Variants in ZC3H4 observed in about 807,000 individuals in gnomAD.
ZC3H4 encodes zinc finger CCCH-type containing 4.
In ZC3H4, 13 loss-of-function variants were observed where a neutral mutation model predicts 108.3. The ratio of observed to expected loss-of-function variants is 0.12; its 90% confidence interval spans 0.08 to 0.19. The LOEUF is 0.19. Among genes scored for constraint, ZC3H4 ranks in the 10% least tolerant of loss-of-function variants. ZC3H4 has a pLI of 1.00. For missense variants in ZC3H4, 1,734 were observed against 1,838.8 expected (o/e 0.94, Z 1.04); for synonymous variants, 917 against 749.6 (o/e 1.22, Z -3.65).
chr19:47,106,771 C>A (rs923312638), intron 2 of ZC3H4, among the ~76,000 whole-genome samples: 21 of 152,218 alleles, frequency 1.4e-4, no homozygotes, highest in Non-Finnish European at 4.4e-5. Flanking sequence ...TCTGCACACT[C>A]AGAAAACTCT....
chr19:47,083,732 C>T (rs984254102), intron 9 of ZC3H4, among the ~76,000 whole-genome samples: 1 of 152,180 alleles, frequency 6.6e-6, no homozygotes, highest in Admixed American at 6.6e-5. Flanking sequence ...TTATTTTATA[C>T]ACAACATTAT....
chr19:47,072,283 C>G lies in ZC3H4; in HGVS notation c.1802+69G>C, dbSNP rs1031944922. The G allele has an allele frequency of 6.6e-7, 1 of 1,525,640 alleles. No homozygotes were observed. The highest frequency in any genetic ancestry group is 8.9e-7 in the Non-Finnish European group (1 of 1,123,796). The allele number at this position is 1,525,640 out of a possible 1,614,324, so 94.5% of individuals were successfully genotyped here. ...GGACTCTCCCACAGCCAGGCTTGCC[C>G]TAACAAGAGGAGCCTGGCTGGGCCC... On this transcript the variant is annotated intron_variant, in intron 12 of 14. Coordinates refer to ENST00000253048, the MANE Select transcript of ZC3H4 (RefSeq NM_015168.2). This position sits in a 1 kb window ranked among gnomAD's most constrained non-coding sequence, Gnocchi z 5.6.
chr19:47,106,311 G>T (rs1209215574), intron 2 of ZC3H4, among the ~76,000 whole-genome samples: 3 of 152,216 alleles, frequency 2.0e-5, no homozygotes, highest in African/African-American at 7.2e-5. Flanking sequence ...GGCAGACATG[G>T]TGGCTTATAC....
rs757329945 is a variant in ZC3H4 at position 47,066,495 on chromosome 19, G to A, written c.3773C>T (p.Thr1258Met). Residue 1258 changes from threonine (T) to methionine (M), a missense_variant, in exon 15 of 15, where the codon ACG (threonine) becomes ATG (methionine). Thr to Met is a moderately conservative substitution (Grantham distance 81, BLOSUM62 -1). Coordinates refer to ENST00000253048, the MANE Select transcript of ZC3H4 (RefSeq NM_015168.2). ...GCCCGTCTTGGGTGTCTGCTTCACC[G>A]TCCCGAAGAGGGTGGGCACGGGCAG... ...HNLPVPTLFG[T>M]VKQTPKTGSG... 28 of 1,580,360 alleles carry A rather than the reference G, an allele frequency of 1.8e-5. No individual in the cohort carries two copies. The highest frequency in any genetic ancestry group is 2.7e-5 in the African/African-American group (2 of 74,430).
Position 47,066,437 on chromosome 19 carries a change from G to C in ZC3H4, c.3831C>G (p.Ala1277=), listed in dbSNP as rs1232447026. The change falls in exon 15 of 15, where the codon GCC becomes GCG. Residue 1277 remains alanine (A), a synonymous_variant. Coordinates refer to ENST00000253048, the MANE Select transcript of ZC3H4 (RefSeq NM_015168.2). The part of the protein sequence containing the change: ...SGSPFAGNSP[A]REGEQDAASL... ...ATGCCGCATCCTGCTCACCCTCGCG[G>C]GCCGGACTGTTCCCAGCAAATGGGC... 1.3e-6 allele frequency: 2 copies of C among 1,575,280 alleles called. No homozygotes were observed. The highest frequency in any genetic ancestry group is 1.9e-5 in the Admixed American group (1 of 53,196).
At position 47,067,889 on chromosome 19, in the gene ZC3H4, C is replaced by A; in HGVS notation, c.2399-20G>T. 2 of 1,566,900 alleles carry A rather than the reference C, an allele frequency of 1.3e-6. No individual in the cohort carries two copies. The highest frequency in any genetic ancestry group is 8.6e-7 in the Non-Finnish European group (1 of 1,160,130). ...TGTCACCTGGGAAAGAACAGAGGAG[C>A]AGGGAGGGGTGAGTGGGCGCATCCA... is the stretch of plus-strand genomic sequence containing the variant. On this transcript the variant is annotated intron_variant, in intron 14 of 14. Transcript: ENST00000253048. This position sits in a 1 kb window ranked among gnomAD's most constrained non-coding sequence, Gnocchi z 6.4.
In ZC3H4 at chr19:47,094,118, C is replaced by T. The variant is rs1299329837; in HGVS notation, c.382-38G>A. On this transcript the variant is annotated intron_variant, in intron 3 of 14. Coordinates refer to ENST00000253048, the MANE Select transcript of ZC3H4 (RefSeq NM_015168.2). ...GGGAAGGAGACTCAGCAACCTGCCA[C>T]AGGCAGGCCACTCGGGCACAGTCAG... The T allele has an allele frequency of 2.5e-6, 4 of 1,588,656 alleles. No homozygotes were observed. In the Admixed American group the frequency reaches 5.0e-5, roughly 20 times the overall value.
chr19:47,074,567 T>C (rs894592480), intron 11 of ZC3H4, among the ~76,000 whole-genome samples: 1 of 152,260 alleles, frequency 6.6e-6, no homozygotes, highest in African/African-American at 2.4e-5. Context: ...GAAGCTGCAT[T>C]TTGGGAGGGC....
chr19:47,096,324 C>A (rs1336028861), intron 2 of ZC3H4, among the ~76,000 whole-genome samples: 1 of 152,238 alleles, frequency 6.6e-6, no homozygotes, highest in Non-Finnish European at 1.5e-5. Flanking sequence ...CCCCGACTAG[C>A]AAACTTGGAA....
chr19:47,106,961 C>G (rs2057975645), intron 2 of ZC3H4, among the ~76,000 whole-genome samples: 1 of 152,202 alleles, frequency 6.6e-6, no homozygotes, highest in African/African-American at 2.4e-5. Flanking sequence ...GTATGAGATT[C>G]TAGATCCCTG....
intron 2 of ZC3H4, among the ~76,000 whole-genome samples, chr19:47,098,592 C>T (rs746694719): frequency 6.6e-6 from 1 of 151,920 alleles, no homozygotes; most frequent in Non-Finnish European, 1.5e-5. Flanking sequence ...GGCGAAACTC[C>T]GTCTCTACTA....
rs381976 is a variant in ZC3H4 at position 47,071,988 on chromosome 19, C to G, written c.1936G>C (p.Ala646Pro). ...MHPDMHPDMHADMHADMPMGP... is the reference protein window; with the variant it reads ...MHPDMHPDMHPDMHADMPMGP... ...ATCGGCATGTCTGCGTGCATGTCTG[C>G]GTGCATGTCAGGGTGCATGTCCGGG... The change falls in exon 13 of 15, where the codon GCA (alanine) becomes CCA (proline). Residue 646 changes from alanine to proline, a missense_variant. Ala to Pro is a conservative substitution (Grantham distance 27). Transcript: ENST00000253048. 7.6e-6 allele frequency: 12 copies of G among 1,579,162 alleles called. No individual in the cohort carries two copies. Among genetic ancestry groups the G allele is most frequent in the African/African-American group, 2.7e-5 (2 of 74,488 alleles).
intron 2 of ZC3H4, among the ~76,000 whole-genome samples, chr19:47,103,977 A>G (rs2057937470): frequency 1.3e-5 from 2 of 151,682 alleles, no homozygotes; most frequent in South Asian, 2.1e-4. Context: ...AAACAAATAA[A>G]TAAGAGATCT....
intron 5 of ZC3H4, among the ~76,000 whole-genome samples, chr19:47,087,631 C>A (rs971475224): frequency 2.0e-5 from 3 of 152,176 alleles, no homozygotes; most frequent in Admixed American, 2.0e-4. Context: ...GTAATCCCAG[C>A]ACTTTGGGAG....
At chr19:47,077,756 C>G (rs992536841) in intron 11 of ZC3H4, among the ~76,000 whole-genome samples, 1 of 151,534 alleles carries the variant, frequency 6.6e-6, no homozygotes, top group Non-Finnish European at 1.5e-5. Flanking sequence ...ACTCAGGAGG[C>G]TGAGGCAGGA....
At position 47,067,533 on chromosome 19, in the gene ZC3H4, G is replaced by C; in HGVS notation, c.2735C>G (p.Pro912Arg). Reference protein sequence around the residue: ...EGSLHSSPVGPSSSKGSGPPP... With the variant: ...EGSLHSSPVGRSSSKGSGPPP... ...CGGCCCAGACCCCTTGGAACTGCTG[G>C]GGCCCACAGGGCTGGAATGAAGGCT... The change falls in exon 15 of 15, where the codon CCC becomes CGC. Residue 912 changes from proline to arginine, a missense_variant. Physicochemically the swap from Pro to Arg is moderately radical, Grantham distance 103 (BLOSUM62 -2). Coordinates refer to ENST00000253048, the MANE Select transcript of ZC3H4 (RefSeq NM_015168.2). The surrounding 1 kb of genome is among the most constrained non-coding windows in gnomAD (Gnocchi z 6.4). 1 of 1,596,994 alleles carries C rather than the reference G, an allele frequency of 6.3e-7. No homozygotes were observed. Among genetic ancestry groups the C allele is most frequent in the Non-Finnish European group, 8.5e-7 (1 of 1,171,746 alleles).
chr19:47,107,464 T>C (rs1041862984), intron 2 of ZC3H4, among the ~76,000 whole-genome samples: 4 of 152,050 alleles, frequency 2.6e-5, no homozygotes, highest in Admixed American at 2.6e-4. Flanking sequence ...GTCCACAGTC[T>C]TCCTCCACAT....
At chr19:47,068,949 C>G (rs2057271823) in intron 14 of ZC3H4, 143 bp downstream of exon 14, 17 of 1,505,670 alleles carry the variant, frequency 1.1e-5, no homozygotes, top group Non-Finnish European at 1.5e-5. Context: ...CAGCCCCAGC[C>G]CGGCTTCATG....
chr19:47,064,833 T>C lies in ZC3H4; in HGVS notation c.*1523A>G, dbSNP rs2081019365. On this transcript the variant is annotated 3_prime_UTR_variant, in exon 15 of 15. Transcript: ENST00000253048. ...GACACCCTGCCTCCTGGCTCCAAAC[T>C]ATGAGTTTTTCATTTTTCTCTTTTT... is the stretch of plus-strand genomic sequence containing the variant. 6.6e-6 allele frequency: 1 copy of C among 151,378 alleles called. No homozygotes were observed. The highest frequency in any genetic ancestry group is 6.6e-5 in the Admixed American group (1 of 15,224). 9.4% of individuals were successfully genotyped at this position (151,378 alleles called of 1,614,324 possible).
Sources: gnomAD v4.1 joint callset for allele counts (sites outside exome capture counted in the v4.1 genomes callset) on GRCh38, gnomAD v4.1.1 for gene constraint, Gnocchi (gnomAD v3.1) non-coding constraint, MANE v1.5 for transcripts, NCBI Gene and HGNC (gene_info 2026-07-23, HGNC 2026-07-21) for gene names.